The following MARK3 variants were observed in gnomAD, a reference collection of about 807,000 sequenced individuals.
MARK3 encodes the protein MAP/microtubule affinity-regulating kinase 3.
A neutral mutation model predicts 90.1 loss-of-function variants in MARK3; 46 were observed. The observed-to-expected ratio is 0.51, with a 90% CI of 0.40 to 0.65. MARK3 has a LOEUF of 0.65. Among genes scored for constraint, MARK3 ranks in the 30% least tolerant of loss-of-function variants. The pLI, the probability that MARK3 is intolerant of heterozygous loss-of-function variation, is 0.00. For missense variants in MARK3, 818 were observed against 947.2 expected (o/e 0.86, Z 1.79); for synonymous variants, 321 against 332.6 (o/e 0.97, Z 0.38).
chr14:103,467,256 C>G (rs1479086052), intron 11 of MARK3, 65 bp downstream of exon 11: 1 of 733,446 alleles, frequency 1.4e-6, no homozygotes, highest in African/African-American at 1.8e-5. Flanking sequence ...AAACTGTTTT[C>G]TTAGTTTTTA....
At position 103,484,057 on chromosome 14, in the gene MARK3, G is replaced by A. The variant is rs550826993; in HGVS notation, c.1586+3567G>A. On this transcript the variant is annotated intron_variant, in intron 14 of 17. Coordinates refer to ENST00000429436, the MANE Select transcript of MARK3 (RefSeq NM_001128918.3). ...CATAGCAGAGACACTCTGCTCCTACGATTTCATATGCTTTAGATACCCGGA... is the reference window on the plus strand; with the variant it reads ...CATAGCAGAGACACTCTGCTCCTACAATTTCATATGCTTTAGATACCCGGA... 1.8e-4 allele frequency among the ~76,000 whole-genome samples: 27 copies of A among 152,064 alleles called. No homozygotes were observed. In the East Asian group the frequency reaches 3.3e-3, roughly 18 times the overall value.
chr14:103,401,166 C>G (rs1254208650), intron 1 of MARK3, among the ~76,000 whole-genome samples: 3 of 151,852 alleles, frequency 2.0e-5, no homozygotes, highest in Non-Finnish European at 4.4e-5. Flanking sequence ...AAATGAAGGG[C>G]AAATGGAAGC....
chr14:103,448,782 T>C (rs1323871044), intron 3 of MARK3, 137 bp from the exon 4 acceptor site: 3 of 824,514 alleles, frequency 3.6e-6, no homozygotes, highest in Non-Finnish European at 5.4e-6. Flanking sequence ...CATATTAGTC[T>C]TAGATATGGA....
chr14:103,480,498 A>C lies in MARK3; in HGVS notation c.1586+8A>C. On this transcript the variant is annotated splice_region_variant and intron_variant, in intron 14 of 17. Coordinates refer to ENST00000429436, the MANE Select transcript of MARK3 (RefSeq NM_001128918.3). Reference sequence around the variant, plus strand: ...GAATGGCAAAGAAAACAGGTAGGAGATTCTACCTGTTTGTAAGAAAAGTTG... The same window carrying C: ...GAATGGCAAAGAAAACAGGTAGGAGCTTCTACCTGTTTGTAAGAAAAGTTG... The C allele has an allele frequency of 3.9e-6, 6 of 1,537,400 alleles. No individual in the cohort carries two copies. The highest frequency in any genetic ancestry group is 1.4e-5 in the African/African-American group (1 of 73,342).
chr14:103,401,289 A>T (rs925373387), intron 1 of MARK3, among the ~76,000 whole-genome samples: 5 of 152,156 alleles, frequency 3.3e-5, no homozygotes, highest in Non-Finnish European at 7.3e-5. Context: ...ATTGAGTTTA[A>T]CCCTAACAAG....
intron 14 of MARK3, 77 bp downstream of exon 14, chr14:103,480,567 C>A: frequency 1.2e-6 from 1 of 807,410 alleles, no homozygotes; most frequent in Non-Finnish European, 2.1e-6. Context: ...CTGCTTTGTT[C>A]TTATAATCAT....
chr14:103,428,303 C>A, intron 2 of MARK3, 84 bp from the exon 3 acceptor site: 1 of 666,312 alleles, frequency 1.5e-6, no homozygotes, highest in Non-Finnish European at 2.5e-6. Flanking sequence ...TGCTTGCTTG[C>A]TTCTTAATGC....
intron 7 of MARK3, among the ~76,000 whole-genome samples, chr14:103,463,491 T>C (rs1250560259): frequency 2.0e-5 from 3 of 152,184 alleles, no homozygotes; most frequent in Non-Finnish European, 2.9e-5. Flanking sequence ...TCAAATCCTA[T>C]AAACATGAAT....
chr14:103,468,331 T>C (rs929159956), intron 12 of MARK3, 145 bp downstream of exon 12: 4 of 675,560 alleles, frequency 5.9e-6, no homozygotes, highest in Non-Finnish European at 8.8e-6. Context: ...TTTTTTTTTT[T>C]TTTTTTTTTT....
chr14:103,472,209 CAAAAA>C (rs35696641), intron 12 of MARK3, among the ~76,000 whole-genome samples: 4 of 96,828 alleles, frequency 4.1e-5, no homozygotes, highest in African/African-American at 2.0e-4. Context: ...GACTCCGTCT[CAAAAA>C]AAAAAAAAAA....
intron 6 of MARK3, among the ~76,000 whole-genome samples, chr14:103,459,128 G>C (rs574144111): frequency 1.3e-5 from 2 of 151,906 alleles, no homozygotes; most frequent in Admixed American, 1.3e-4. Context: ...ACATTTTTTT[G>C]CTTCATACAA....
At chr14:103,426,980 A>C (rs1030137362) in intron 2 of MARK3, among the ~76,000 whole-genome samples, 1 of 152,108 alleles carries the variant, frequency 6.6e-6, no homozygotes, top group African/African-American at 2.4e-5. Flanking sequence ...CTAAATTTAA[A>C]GTGTCAGTAA....
intron 7 of MARK3, among the ~76,000 whole-genome samples, chr14:103,464,237 G>C (rs1205894828): frequency 3.3e-5 from 5 of 150,012 alleles, no homozygotes; most frequent in Non-Finnish European, 7.4e-5. Context: ...TATAGCATCT[G>C]CTGTGGAGTA....
At chr14:103,500,023 G>A (rs745801023) in intron 16 of MARK3, 133 bp from the exon 17 acceptor site, 16 of 722,524 alleles carry the variant, frequency 2.2e-5, no homozygotes, top group East Asian at 8.2e-5. Context: ...TCATAAGCCC[G>A]GCTGGTGTTT....
At position 103,491,744 on chromosome 14, in the gene MARK3, G is replaced by A. The variant is rs200529988; in HGVS notation, c.1587-33G>A. 1.7e-4 allele frequency: 280 copies of A among 1,606,112 alleles called. 1 individual carries two copies. In the East Asian group the frequency reaches 4.0e-3, roughly 23 times the overall value. On this transcript the variant is annotated intron_variant, in intron 14 of 17. Coordinates refer to ENST00000429436, the MANE Select transcript of MARK3 (RefSeq NM_001128918.3). The stretch of plus-strand genomic sequence containing the variant: ...GTGACTGTAAATTTTTGTATATCAT[G>A]TTCTGAGAGCTTCTTACTTTCTGAT...
intron 17 of MARK3, among the ~76,000 whole-genome samples, chr14:103,500,501 G>A (rs181711053): frequency 2.8e-4 from 42 of 152,274 alleles, no homozygotes; most frequent in African/African-American, 9.1e-4. Context: ...TAAGCCCTCA[G>A]TTCATCACTG....
intron 15 of MARK3, among the ~76,000 whole-genome samples, chr14:103,497,484 AGATTAT>A (rs2075412122): frequency 6.6e-6 from 1 of 152,230 alleles, no homozygotes; most frequent in South Asian, 2.1e-4. Flanking sequence ...ATATTTTGTC[AGATTAT>A]TTTCAGCACA....
chr14:103,474,055 A>C (rs1196675181), intron 12 of MARK3, among the ~76,000 whole-genome samples: 10 of 151,286 alleles, frequency 6.6e-5, no homozygotes, highest in African/African-American at 2.4e-4. Flanking sequence ...ATATATACAA[A>C]AAAAAAAAAT....
intron 2 of MARK3, 100 bp from the exon 3 acceptor site, chr14:103,428,283 GTTGC>G (rs199659735): frequency 1.8e-4 from 109 of 600,646 alleles, no homozygotes; most frequent in African/African-American, 8.0e-4. Flanking sequence ...TTTGTGGTTT[GTTGC>G]TTGCTTGCTT....
Sources: allele counts gnomAD v4.1 joint callset (sites outside exome capture counted in the v4.1 genomes callset), GRCh38; gene constraint gnomAD v4.1.1; transcripts MANE v1.5; gene names NCBI Gene and HGNC (gene_info 2026-07-23, HGNC 2026-07-21).